Variants in IKZF2 observed in about 807,000 individuals in gnomAD.
IKZF2 encodes the protein IKAROS family zinc finger 2.
Under a neutral mutation model 49.2 loss-of-function variants are expected in IKZF2, and 15 were observed. The observed-to-expected ratio is 0.30, with a 90% CI of 0.20 to 0.47. IKZF2 has a LOEUF of 0.47. Ranked by LOEUF, IKZF2 falls within the 20% of genes least tolerant of loss-of-function variation. IKZF2 has a pLI of 1.00. For synonymous variants in IKZF2, 227 were observed against 221.4 expected (o/e 1.03, Z -0.23); for missense variants, 567 against 664.6 (o/e 0.85, Z 1.61).
chr2:213,093,996 G>A (rs534863343), intron 4 of IKZF2, among the ~76,000 whole-genome samples: 1 of 152,244 alleles, frequency 6.6e-6, no homozygotes, highest in African/African-American at 2.4e-5. Flanking sequence ...TAACTTAGAG[G>A]AAATGTTTGA....
chr2:213,101,181 A>G (rs1038973624), intron 4 of IKZF2, among the ~76,000 whole-genome samples: 21 of 152,208 alleles, frequency 1.4e-4, no homozygotes, highest in Admixed American at 1.2e-3. Context: ...AATTTGGTTT[A>G]TCAGTAAATT....
rs1695944164 is a variant in IKZF2, at chr2:213,011,446, G to A, written c.856+2345C>T. Among the ~76,000 whole-genome samples, 3 of 151,988 alleles carry A rather than the reference G, an allele frequency of 2.0e-5. No homozygotes were observed. The South Asian group carries it at 6.2e-4, about 32-fold the overall frequency. On this transcript the variant is annotated intron_variant, in intron 8 of 8. Transcript: ENST00000434687. ...ATAGGAGAATTCCTGTGCACAAGAG[G>A]GGGAATGAACTTTAATTAGAAAGAG...
At chr2:213,025,450 A>C (rs114090891) in intron 6 of IKZF2, among the ~76,000 whole-genome samples, 21 of 152,070 alleles carry the variant, frequency 1.4e-4, no homozygotes, top group Non-Finnish European at 2.8e-4. Context: ...CTCTCACAGA[A>C]CTCTGTTCGT....
intron 4 of IKZF2, among the ~76,000 whole-genome samples, chr2:213,088,498 C>T (rs962382443): frequency 2.0e-5 from 3 of 152,136 alleles, no homozygotes; most frequent in Non-Finnish European, 2.9e-5. Context: ...GTGGCTCACA[C>T]CTGTAATCTT....
At chr2:213,111,547 T>TAGAGA (rs1440145665) in intron 4 of IKZF2, among the ~76,000 whole-genome samples, 1 of 152,070 alleles carries the variant, frequency 6.6e-6, no homozygotes, top group African/African-American at 2.4e-5. Context: ...ACCTATCAAA[T>TAGAGA]TTTTATAATC....
At chr2:213,128,046 A>G (rs1197300297) in intron 4 of IKZF2, among the ~76,000 whole-genome samples, 1 of 152,182 alleles carries the variant, frequency 6.6e-6, no homozygotes, top group Non-Finnish European at 1.5e-5. Flanking sequence ...ACCACAATAG[A>G]TTTGTGAAAT....
At chr2:213,149,113 G>GAAAAC in intron 2 of IKZF2, among the ~76,000 whole-genome samples, 1 of 152,054 alleles carries the variant, frequency 6.6e-6, no homozygotes, top group South Asian at 2.1e-4. Flanking sequence ...ACAAACATAA[G>GAAAAC]AAAACAAAAC....
In IKZF2 at chr2:213,007,592, G is replaced by C. The variant is rs971959173; in HGVS notation, c.1349C>G (p.Pro450Arg). Residue 450 changes from proline to arginine, a missense_variant, in exon 9 of 9, where the codon CCT becomes CGT. Physicochemically the swap from Pro to Arg is moderately radical, Grantham distance 103 (BLOSUM62 -2). Around this residue, in one of 5 missense-constraint regions of IKZF2, gnomAD observed 310 missense variants for 326.9 expected, o/e 0.95. Coordinates refer to ENST00000434687, the MANE Select transcript of IKZF2 (RefSeq NM_001387220.1). ...GTAGATGTCCTTCAGAGAGCCCTTA[G>C]GAGCCTTGGTAGTATCCAAAGCTTT... ...DVKALDTTKA[P>R]KGSLKDIYKV... 4.3e-6 allele frequency: 7 copies of C among 1,613,586 alleles called. No homozygotes were observed. Among genetic ancestry groups the C allele is most frequent in the African/African-American group, 2.7e-5 (2 of 74,882 alleles).
At chr2:213,127,835 G>T (rs1453048615) in intron 4 of IKZF2, among the ~76,000 whole-genome samples, 1 of 152,000 alleles carries the variant, frequency 6.6e-6, no homozygotes, top group African/African-American at 2.4e-5. Flanking sequence ...ACTAACTTAA[G>T]AATACATGTA....
intron 4 of IKZF2, among the ~76,000 whole-genome samples, chr2:213,115,408 G>A (rs1468304166): frequency 6.6e-6 from 1 of 152,154 alleles, no homozygotes; most frequent in Admixed American, 6.5e-5. Flanking sequence ...ACCACATAGC[G>A]AATATTTCCT....
intron 8 of IKZF2, among the ~76,000 whole-genome samples, 172 bp downstream of exon 8, chr2:213,013,619 G>C (rs1293866907): frequency 6.6e-6 from 1 of 151,884 alleles, no homozygotes; most frequent in Non-Finnish European, 1.5e-5. Flanking sequence ...GTGTGTGTTG[G>C]TGTAAGTGTG....
At chr2:213,008,870 G>GA (rs1695636187) in intron 8 of IKZF2, among the ~76,000 whole-genome samples, 2 of 151,980 alleles carry the variant, frequency 1.3e-5, no homozygotes, top group Non-Finnish European at 2.9e-5. Flanking sequence ...CACTATTTCA[G>GA]AAAAAATATA....
At chr2:213,027,704 T>G (rs1248992532) in intron 6 of IKZF2, among the ~76,000 whole-genome samples, 2 of 152,172 alleles carry the variant, frequency 1.3e-5, no homozygotes, top group Non-Finnish European at 2.9e-5. Flanking sequence ...TCATTTTCTC[T>G]TAACATTTTG....
chr2:213,042,061 A>G (rs940584086), intron 6 of IKZF2, among the ~76,000 whole-genome samples: 1 of 152,190 alleles, frequency 6.6e-6, no homozygotes, highest in Non-Finnish European at 1.5e-5. Context: ...GTGACTTGAC[A>G]ACGTCCCATA....
intron 4 of IKZF2, among the ~76,000 whole-genome samples, chr2:213,066,477 T>C (rs1702176839): frequency 6.6e-6 from 1 of 152,090 alleles, no homozygotes; most frequent in Non-Finnish European, 1.5e-5. Flanking sequence ...CAAAAGTTCT[T>C]TCCCTGCTGT....
At chr2:213,046,530 A>T (rs1028402803) in intron 6 of IKZF2, among the ~76,000 whole-genome samples, 1 of 152,190 alleles carries the variant, frequency 6.6e-6, no homozygotes, top group Non-Finnish European at 1.5e-5. Context: ...GCCCTGAAAT[A>T]CAGTGGCTAT....
Position 213,147,746 on chromosome 2 carries a change from G to A in IKZF2, c.101C>T (p.Pro34Leu). 3 of 1,613,910 alleles carry A rather than the reference G, an allele frequency of 1.9e-6. No individual in the cohort carries two copies. The highest frequency in any genetic ancestry group is 2.5e-6 in the Non-Finnish European group (3 of 1,179,852). Reference sequence around the variant, plus strand: ...ACTTGGTGAGGCATGCTGTCCATTGGGTGTGCTTGAGGTGAGGTCAATTGC... The same window carrying A: ...ACTTGGTGAGGCATGCTGTCCATTGAGTGTGCTTGAGGTGAGGTCAATTGC... ...NMAIDLTSST[P>L]NGQHASPSHM... is the part of the protein sequence containing the mutation. The change falls in exon 4 of 9, where the codon CCC becomes CTC. Residue 34 changes from proline (P) to leucine (L), a missense_variant. By Grantham distance (98) the Pro-to-Leu change is moderately conservative. This residue lies in a region of IKZF2 where 156 missense variants were observed against 138.5 expected (regional missense o/e 1.13). Transcript: ENST00000434687.
chr2:213,000,550 A>G lies in IKZF2; in HGVS notation c.*6810T>C, dbSNP rs1694808148. The G allele has an allele frequency of 6.6e-6, 1 of 152,018 alleles. No individual in the cohort carries two copies. The highest frequency in any genetic ancestry group is 1.9e-4 in the East Asian group (1 of 5,156). The allele number at this position is 152,018 out of a possible 1,614,324, so 9.4% of individuals were successfully genotyped here. On this transcript the variant is annotated 3_prime_UTR_variant, in exon 9 of 9. Transcript: ENST00000434687. ...AATGTTATCTTTTAACAAAACATGT[A>G]TTTATATTACAGCAGTTTTACTACA...
At chr2:213,125,771 G>C (rs1220381268) in intron 4 of IKZF2, among the ~76,000 whole-genome samples, 1 of 152,000 alleles carries the variant, frequency 6.6e-6, no homozygotes, top group African/African-American at 2.4e-5. Flanking sequence ...AAATCACCAT[G>C]TATCATCAGT....
Sources: allele counts gnomAD v4.1 joint callset (sites outside exome capture counted in the v4.1 genomes callset), GRCh38; gene constraint gnomAD v4.1.1; regional missense constraint gnomAD v4.1.1; transcripts MANE v1.5; gene names NCBI Gene and HGNC (gene_info 2026-07-23, HGNC 2026-07-21).